Variants in MYL4 observed in about 807,000 individuals in gnomAD.
MYL4 encodes myosin light chain 4, also known as atrial myosin light chain 1.
In MYL4, 16 loss-of-function variants were observed where a neutral mutation model predicts 21.6. The ratio of observed to expected loss-of-function variants is 0.74; its 90% confidence interval spans 0.50 to 1.12. The LOEUF is 1.12. MYL4 is among the 50% of genes most tolerant of loss of function. MYL4 has a pLI of 0.00. For synonymous variants in MYL4, 82 were observed against 95.7 expected, an observed-to-expected ratio of 0.86 and a Z score of 0.83; for missense variants, 249 against 252.9, an observed-to-expected ratio of 0.98 and a Z score of 0.11.
chr17:47,220,520 A>G (rs1326072787), intron 3 of MYL4, among the ~76,000 whole-genome samples: 1 of 152,246 alleles, frequency 6.6e-6, no homozygotes, highest in Non-Finnish European at 1.5e-5. Context: ...TTTGGTATAA[A>G]TTAGAGCAGC....
At chr17:47,195,175 C>T in the MYL4 span, among the ~76,000 whole-genome samples, 1 of 149,032 alleles carries the variant, frequency 6.7e-6, no homozygotes, top group Non-Finnish European at 1.5e-5. Flanking sequence ...TCTCCTGCCT[C>T]AGGCTCCTAA....
intron 2 of MYL4, among the ~76,000 whole-genome samples, chr17:47,217,572 T>G (rs564259855): frequency 6.6e-6 from 1 of 152,342 alleles, no homozygotes; most frequent in South Asian, 2.1e-4. Flanking sequence ...CAAGATCACA[T>G]GGTTAAGTGA....
chr17:47,217,763 G>A (rs577784741), intron 2 of MYL4, among the ~76,000 whole-genome samples: 3 of 152,244 alleles, frequency 2.0e-5, no homozygotes, highest in South Asian at 4.1e-4. Context: ...GCTGGGTGGA[G>A]TGACTCACAC....
chr17:47,220,917 C>T (rs573078358), intron 3 of MYL4, among the ~76,000 whole-genome samples: 25 of 152,236 alleles, frequency 1.6e-4, no homozygotes, highest in African/African-American at 6.0e-4. Flanking sequence ...GGTTTCCTCC[C>T]CATCCCTTGG....
At chr17:47,220,926 G>T (rs962563679) in intron 3 of MYL4, among the ~76,000 whole-genome samples, 4 of 152,130 alleles carry the variant, frequency 2.6e-5, no homozygotes, top group African/African-American at 9.7e-5. Flanking sequence ...CCCATCCCTT[G>T]GTTCTGGCCC....
chr17:47,226,069 CTG>C (rs2064884679), downstream of MYL4, among the ~76,000 whole-genome samples: 1 of 152,092 alleles, frequency 6.6e-6, no homozygotes, highest in Non-Finnish European at 1.5e-5. Context: ...TTATTGCTCA[CTG>C]TATTCACTTG....
intron 3 of MYL4, 130 bp downstream of exon 3, chr17:47,220,183 C>T: frequency 8.6e-7 from 1 of 1,158,120 alleles, no homozygotes; most frequent in Non-Finnish European, 1.2e-6. Flanking sequence ...ACCAGCCTCA[C>T]CTACCCAGCT....
chr17:47,214,604 A>C (rs2064800650), intron 2 of MYL4, among the ~76,000 whole-genome samples: 1 of 152,266 alleles, frequency 6.6e-6, no homozygotes, highest in South Asian at 2.1e-4. Context: ...TAAAACAAAA[A>C]AGCAAAAAAG....
Position 47,221,713 on chromosome 17 carries a change from G to A in MYL4, c.345G>A (p.Thr115=), listed in dbSNP as rs372522881. The A allele has an allele frequency of 1.1e-4, 177 of 1,613,998 alleles. 3 individuals carry two copies. In the South Asian group the frequency reaches 1.4e-3, roughly 13 times the overall value. The stretch of plus-strand genomic sequence containing the variant: ...ATGTCAAGATGCTGGACTTTGAGAC[G>A]TTCTTGCCCATCCTGCAGCACATTT... The part of the protein sequence containing the change: ...EMNVKMLDFE[T]FLPILQHISR... Residue 115 remains threonine (T), a synonymous_variant, in exon 4 of 7, where the codon ACG becomes ACA. Transcript: ENST00000393450.
At chr17:47,199,024 G>A (rs2064699578), upstream of MYL4, among the ~76,000 whole-genome samples, 1 of 148,668 alleles carries the variant, frequency 6.7e-6, no homozygotes, top group Admixed American at 6.7e-5. Context: ...CACGAGGTTG[G>A]GAGATCAACA....
At chr17:47,200,153 A>G (rs2064704461), upstream of MYL4, among the ~76,000 whole-genome samples, 1 of 148,466 alleles carries the variant, frequency 6.7e-6, no homozygotes, top group South Asian at 2.2e-4. Flanking sequence ...AGACAAGCAC[A>G]CTAGATCTAG....
chr17:47,208,761 C>A (rs1033961252), upstream of MYL4, among the ~76,000 whole-genome samples: 2 of 152,094 alleles, frequency 1.3e-5, no homozygotes, highest in African/African-American at 4.8e-5. Context: ...GGGGGTAGAT[C>A]TAGGGATCTG....
chr17:47,218,429 G>A (rs1316376088), intron 2 of MYL4, among the ~76,000 whole-genome samples: 1 of 152,144 alleles, frequency 6.6e-6, no homozygotes, highest in Non-Finnish European at 1.5e-5. Context: ...GGTAGCATAA[G>A]GTAACTTAAA....
At chr17:47,201,449 CTTTTCTTTTTTTT>C (rs1299370127) in intron 1 of MYL4, among the ~76,000 whole-genome samples, 2 of 150,862 alleles carry the variant, frequency 1.3e-5, no homozygotes, top group African/African-American at 2.4e-5. Context: ...TTACTTATTT[CTTTTCTTTTTTTT>C]TTTTCTTTTT....
the MYL4 span, among the ~76,000 whole-genome samples, chr17:47,190,748 G>T: frequency 1.9e-4 from 29 of 152,276 alleles, 2 homozygotes; most frequent in South Asian, 6.0e-3. Flanking sequence ...TTTTACACTG[G>T]CCTGGAAAGT....
At chr17:47,209,592 G>A (rs1285777091) in intron 1 of MYL4, 35 bp downstream of exon 1, 2 of 1,614,094 alleles carry the variant, frequency 1.2e-6, no homozygotes, top group African/African-American at 1.3e-5. Context: ...TAGAGGTGGG[G>A]ATGACATTGA....
At chr17:47,226,229 T>C (rs976456575), downstream of MYL4, among the ~76,000 whole-genome samples, 3 of 152,228 alleles carry the variant, frequency 2.0e-5, no homozygotes, top group African/African-American at 7.2e-5. Context: ...TAACTCCATC[T>C]ATGTAACATA....
chr17:47,192,590 C>T, the MYL4 span, among the ~76,000 whole-genome samples: 10 of 151,230 alleles, frequency 6.6e-5, no homozygotes, highest in East Asian at 1.9e-4. Flanking sequence ...GCGGAGCTTG[C>T]GGTGAGCTGA....
chr17:47,218,206 G>A (rs1335739103), intron 2 of MYL4, among the ~76,000 whole-genome samples: 1 of 152,116 alleles, frequency 6.6e-6, no homozygotes, highest in Non-Finnish European at 1.5e-5. Flanking sequence ...GTGGTTTTAT[G>A]TCTTTTAAAT....
Sources: allele counts gnomAD v4.1 joint callset (sites outside exome capture counted in the v4.1 genomes callset), GRCh38; gene constraint gnomAD v4.1.1; transcripts MANE v1.5; gene names NCBI Gene and HGNC (gene_info 2026-07-23, HGNC 2026-07-21).